C21orf58: variants seen among roughly 807,000 people sequenced by gnomAD.
C21orf58 encodes uncharacterized protein C21orf58.
C21orf58 carries 34 observed loss-of-function variants against 35.8 expected under a neutral mutation model. The ratio of observed to expected loss-of-function variants is 0.95; its 90% CI spans 0.72 to 1.26. The LOEUF (loss-of-function observed/expected upper bound fraction) is 1.26. Among genes scored for constraint, C21orf58 ranks in the 50% most tolerant of loss-of-function variants. The pLI, the probability that C21orf58 is intolerant of heterozygous loss-of-function variation, is 0.00. For missense variants in C21orf58, 440 were observed against 414.3 expected, an observed-to-expected ratio of 1.06 and a Z score of -0.54; for synonymous variants, 191 against 175.8, an observed-to-expected ratio of 1.09 and a Z score of -0.68.
chr21:46,301,622 T>G lies in C21orf58; in HGVS notation c.*377A>C. Reference sequence around the variant, plus strand: ...CTTAAACTCTTTCTGGATGAAATCTTTATTTCATCAGGCTGGTGGCGTCCA... The same window carrying G: ...CTTAAACTCTTTCTGGATGAAATCTGTATTTCATCAGGCTGGTGGCGTCCA... On this transcript the variant is annotated 3_prime_UTR_variant, in exon 8 of 8. Coordinates refer to ENST00000291691, the MANE Select transcript of C21orf58 (RefSeq NM_058180.5). The G allele has an allele frequency of 9.6e-7, 1 of 1,038,296 alleles. No individual in the cohort carries two copies. Among genetic ancestry groups the G allele is most frequent in the Non-Finnish European group, 1.2e-6 (1 of 865,024 alleles). The allele number at this position is 1,038,296 out of a possible 1,614,324, so 64.3% of individuals were successfully genotyped here. A position where few individuals can be genotyped will look rare whatever the true frequency, so the allele number is the denominator to read the frequency against.
At chr21:46,318,308 C>T in intron 1 of C21orf58, 88 bp from the exon 2 acceptor site, 5 of 1,553,128 alleles carry the variant, frequency 3.2e-6, no homozygotes, top group Non-Finnish European at 4.3e-6. Flanking sequence ...CGCCGCGTGA[C>T]AGTTGCCAGG....
rs1601618801 is a variant in C21orf58 at position 46,301,344 on chromosome 21, G to T, written c.*655C>A. 2.6e-6 allele frequency: 1 copy of T among 385,206 alleles called. No individual in the cohort carries two copies. The highest frequency in any genetic ancestry group is 3.6e-6 in the Non-Finnish European group (1 of 281,514). 23.9% of individuals were successfully genotyped at this position (385,206 alleles called of 1,614,324 possible). On this transcript the variant is annotated 3_prime_UTR_variant, in exon 8 of 8. Coordinates refer to ENST00000291691, the MANE Select transcript of C21orf58 (RefSeq NM_058180.5). Reference sequence around the variant, plus strand: ...TTATTTTTTGTAGAGACGGGGTCTTGCTATGTGACCCAGGCTGGTCTCGAA... The same window carrying T: ...TTATTTTTTGTAGAGACGGGGTCTTTCTATGTGACCCAGGCTGGTCTCGAA...
chr21:46,316,264 T>A (rs2082974557), intron 3 of C21orf58, among the ~76,000 whole-genome samples: 1 of 152,116 alleles, frequency 6.6e-6, no homozygotes, highest in Non-Finnish European at 1.5e-5. Context: ...GAGACGAGCC[T>A]GGCGAACATG....
intron 5 of C21orf58, chr21:46,312,960 C>T (rs2082805738): frequency 6.1e-6 from 6 of 982,356 alleles, no homozygotes; most frequent in Non-Finnish European, 7.3e-6. Context: ...AAATTATAGC[C>T]AAATATTCGA....
chr21:46,320,604 C>T (rs1364031097), intron 1 of C21orf58: 2 of 148,866 alleles, frequency 1.3e-5, no homozygotes, highest in Admixed American at 6.7e-5. Context: ...CAGATAAAGA[C>T]ATAAACAAGA....
At chr21:46,308,935 A>G (rs1569124478) in intron 6 of C21orf58, among the ~76,000 whole-genome samples, 1 of 152,170 alleles carries the variant, frequency 6.6e-6, no homozygotes, top group Non-Finnish European at 1.5e-5. Context: ...AGAGTCCCCA[A>G]CAGCAAGAAG....
At chr21:46,300,823 A>C (rs138894461), downstream of C21orf58, 370 of 1,263,678 alleles carry the variant, frequency 2.9e-4, 1 homozygote, top group East Asian at 8.6e-3. Flanking sequence ...AAGTTTATGT[A>C]TACTACTTAA....
chr21:46,322,040 G>A, intron 1 of C21orf58, among the ~76,000 whole-genome samples: 1 of 151,740 alleles, frequency 6.6e-6, no homozygotes, highest in Non-Finnish European at 1.5e-5. Flanking sequence ...TGTAACTCCA[G>A]CACTTTGAGA....
chr21:46,306,834 C>T (rs1467809529), intron 6 of C21orf58, among the ~76,000 whole-genome samples: 2 of 151,808 alleles, frequency 1.3e-5, no homozygotes, highest in African/African-American at 2.4e-5. Context: ...GCAATCCTCC[C>T]ACCTCGGCCT....
At chr21:46,310,798 A>T (rs2082645255) in intron 6 of C21orf58, among the ~76,000 whole-genome samples, 1 of 151,916 alleles carries the variant, frequency 6.6e-6, no homozygotes. Flanking sequence ...CAACAAAGTA[A>T]GACACTCTCT....
chr21:46,322,703 C>T lies in C21orf58; in HGVS notation c.36G>A (p.Arg12=), dbSNP rs761898837. The part of the protein sequence containing the change: ...ARSRLPATSL[R]KPWKLDRQKL... ...TCTGGCGGTCGAGCTTCCACGGCTT[C>T]CTGAGGGAGGTTGCAGGGAGCCGAG... The change falls in exon 1 of 8, where the codon AGG becomes AGA. Residue 12 remains arginine (R), a synonymous_variant. Coordinates refer to ENST00000291691, the MANE Select transcript of C21orf58 (RefSeq NM_058180.5). The T allele has an allele frequency of 2.5e-6, 4 of 1,575,308 alleles. No homozygotes were observed. In the South Asian group the frequency reaches 4.7e-5, roughly 18 times the overall value.
At chr21:46,302,975 C>A (rs2082191376) in intron 6 of C21orf58, among the ~76,000 whole-genome samples, 2 of 151,250 alleles carry the variant, frequency 1.3e-5, no homozygotes, top group Non-Finnish European at 3.0e-5. Flanking sequence ...CGGTGCGGGT[C>A]CCCGGGGCGC....
At chr21:46,320,050 C>T (rs751436844) in intron 1 of C21orf58, among the ~76,000 whole-genome samples, 1 of 152,132 alleles carries the variant, frequency 6.6e-6, no homozygotes, top group Non-Finnish European at 1.5e-5. Context: ...AGTTAAGCAA[C>T]TGTATAGAGC....
Position 46,323,163 on chromosome 21 carries a change from C to G in C21orf58, c.-425G>C, listed in dbSNP as rs1418733470. 6.5e-6 allele frequency: 1 copy of G among 153,198 alleles called. No homozygotes were observed. The highest frequency in any genetic ancestry group is 1.5e-5 in the Non-Finnish European group (1 of 68,648). 9.5% of individuals were successfully genotyped at this position (153,198 alleles called of 1,614,324 possible). ...CGCGCGCCAGCTGAGAAAACGCCCA[C>G]CCCGGCGGTCCCGCCACAGGTCACA... is the stretch of plus-strand genomic sequence containing the variant. On this transcript the variant is annotated 5_prime_UTR_variant, in exon 1 of 8. Coordinates refer to ENST00000291691, the MANE Select transcript of C21orf58 (RefSeq NM_058180.5).
chr21:46,320,294 G>T (rs377137179), intron 1 of C21orf58, among the ~76,000 whole-genome samples: 70 of 151,892 alleles, frequency 4.6e-4, no homozygotes, highest in African/African-American at 1.7e-3. Context: ...GTAGAGATGG[G>T]GTTTCACCAT....
chr21:46,310,181 G>A (rs1601667622), intron 6 of C21orf58, among the ~76,000 whole-genome samples: 1 of 151,890 alleles, frequency 6.6e-6, no homozygotes, highest in East Asian at 2.0e-4. Context: ...ATATGTATAT[G>A]TTAAAACTTG....
In C21orf58 at chr21:46,323,757, G is replaced by C. The variant is rs369017998; in HGVS notation, c.-1019C>G. 44 of 259,980 alleles carry C rather than the reference G, an allele frequency of 1.7e-4. No homozygotes were observed. The highest frequency in any genetic ancestry group is 9.9e-4 in the African/African-American group (42 of 42,394). 16.1% of individuals were successfully genotyped at this position (259,980 alleles called of 1,614,324 possible). On this transcript the variant is annotated 5_prime_UTR_variant, in exon 1 of 8. Transcript: ENST00000291691. ...GAGAAAACGGCCTGGCCCTGTCCGG[G>C]TGGTTGCTGAGCACCGTTCGGCGCC...
intron 7 of C21orf58, 149 bp from the exon 8 acceptor site, chr21:46,302,303 C>G (rs2082141351): frequency 1.5e-6 from 2 of 1,337,696 alleles, no homozygotes; most frequent in East Asian, 5.1e-5. Flanking sequence ...TCCCCCGCCC[C>G]AAATTGTGCA....
chr21:46,312,976 A>G (rs2082806911), intron 5 of C21orf58: 1 of 985,302 alleles, frequency 1.0e-6, no homozygotes, highest in Non-Finnish European at 1.2e-6. Context: ...TTCGAGCATG[A>G]AAGGCCTTCT....
Sources: allele counts gnomAD v4.1 joint callset (sites outside exome capture counted in the v4.1 genomes callset), GRCh38; gene constraint gnomAD v4.1.1; transcripts MANE v1.5; gene names NCBI Gene and HGNC (gene_info 2026-07-23, HGNC 2026-07-21).